Variants in MKNK1 observed in about 807,000 individuals in gnomAD.
The protein encoded by MKNK1 is MAP kinase-interacting serine/threonine-protein kinase 1.
Under a neutral mutation model 49.3 loss-of-function variants are expected in MKNK1, and 30 were observed. That is an observed-to-expected ratio of 0.61 (90% CI 0.46 to 0.83). The LOEUF is 0.83. MKNK1 is among the 40% of genes least tolerant of loss of function. MKNK1 has a pLI of 0.00. For synonymous variants in MKNK1, 176 were observed against 201.7 expected (o/e 0.87, Z 1.08); for missense variants, 423 against 524.7 (o/e 0.81, Z 1.89).
chr1:46,599,176 C>T lies in MKNK1; in HGVS notation c.-170-4896G>A, dbSNP rs551441695. On this transcript the variant is annotated intron_variant, in intron 1 of 12. Coordinates refer to ENST00000371945, the MANE Select transcript of MKNK1 (RefSeq NM_001135553.4). ...GCTGCAGGAGGGAATAATCTGACAG[C>T]AAATACAAAGGAAAGAAACAGACTG... 7.2e-5 allele frequency among the ~76,000 whole-genome samples: 11 copies of T among 152,284 alleles called. 1 individual carries two copies. The South Asian group carries it at 2.3e-3, about 32-fold the overall frequency.
chr1:46,562,512 C>T lies in MKNK1; in HGVS notation c.804+137G>A, dbSNP rs1421243099. ...TATCTCTATTTTACCTTGTGGCCAC[C>T]GTGACAGGAGCGGGAGAGGGCACTA... On this transcript the variant is annotated intron_variant, in intron 10 of 12. Transcript: ENST00000371945. The T allele has an allele frequency of 2.6e-5, 26 of 1,006,040 alleles. No individual in the cohort carries two copies. The Admixed American group carries it at 2.6e-4, about 10-fold the overall frequency. 62.3% of individuals were successfully genotyped at this position (1,006,040 alleles called of 1,614,324 possible).
chr1:46,580,416 G>A (rs1420780145), intron 4 of MKNK1, 114 bp downstream of exon 4: 4 of 768,948 alleles, frequency 5.2e-6, no homozygotes, highest in Non-Finnish European at 9.0e-6. Flanking sequence ...TTTGAATCCA[G>A]TGAATACAGC....
chr1:46,562,554 T>C, intron 10 of MKNK1, 95 bp downstream of exon 10: 2 of 1,378,618 alleles, frequency 1.5e-6, no homozygotes, highest in Non-Finnish European at 1.9e-6. Flanking sequence ...CCCATCCCGA[T>C]CAGGAACGCT....
intron 3 of MKNK1, among the ~76,000 whole-genome samples, chr1:46,581,446 G>A (rs1343886814): frequency 6.8e-6 from 1 of 147,358 alleles, no homozygotes; most frequent in Non-Finnish European, 1.5e-5. Flanking sequence ...AGAGGCGGAG[G>A]TTGTAGTGAG....
intron 1 of MKNK1, among the ~76,000 whole-genome samples, chr1:46,600,406 A>C (rs1364641190): frequency 6.6e-6 from 1 of 152,248 alleles, no homozygotes; most frequent in Non-Finnish European, 1.5e-5. Flanking sequence ...TCTTTACAGA[A>C]AGATCCCAGA....
intron 1 of MKNK1, among the ~76,000 whole-genome samples, chr1:46,599,885 A>G (rs1674519973): frequency 6.6e-6 from 1 of 152,196 alleles, no homozygotes; most frequent in Admixed American, 6.5e-5. Flanking sequence ...AGCAAAGGAG[A>G]CACTTTATAA....
At position 46,565,149 on chromosome 1, in the gene MKNK1, A is replaced by G. The variant is rs374962951; in HGVS notation, c.514-13T>C. Reference sequence around the variant, plus strand: ...TCACTGGAGACACCTGAAAAGGAAAACAGAAGACAGGGTCACAGATATAAG... The same window carrying G: ...TCACTGGAGACACCTGAAAAGGAAAGCAGAAGACAGGGTCACAGATATAAG... On this transcript the variant is annotated splice_polypyrimidine_tract_variant and intron_variant, in intron 8 of 12. Transcript: ENST00000371945. 116 of 1,612,190 alleles carry G rather than the reference A, an allele frequency of 7.2e-5. No individual in the cohort carries two copies. The highest frequency in any genetic ancestry group is 8.3e-5 in the Non-Finnish European group (98 of 1,178,318).
At chr1:46,601,262 G>A (rs1461295115) in intron 1 of MKNK1, among the ~76,000 whole-genome samples, 1 of 152,212 alleles carries the variant, frequency 6.6e-6, no homozygotes, top group Non-Finnish European at 1.5e-5. Flanking sequence ...TAAAATGAAA[G>A]TGGCGGAACC....
chr1:46,575,096 C>A, intron 5 of MKNK1, 76 bp from the exon 6 acceptor site: 4 of 973,144 alleles, frequency 4.1e-6, no homozygotes, highest in Admixed American at 5.3e-5. Context: ...TACAAATATA[C>A]AATGAAAAAA....
At chr1:46,599,125 C>G (rs1674425624) in intron 1 of MKNK1, among the ~76,000 whole-genome samples, 1 of 152,152 alleles carries the variant, frequency 6.6e-6, no homozygotes, top group Admixed American at 6.5e-5. Flanking sequence ...TGGAAAGCAA[C>G]CCAACGACTC....
rs757413400 is a variant in MKNK1 at position 46,589,336 on chromosome 1, A to T, written c.-3+4777T>A. On this transcript the variant is annotated intron_variant, in intron 2 of 12. Transcript: ENST00000371945. This position sits in a 1 kb window ranked among gnomAD's most constrained non-coding sequence, Gnocchi z 4.3. ...GGGACAGGGCTGAGGCCTGGAAGAGAGTGTCCCAGACCAAGGAAGGGCACA... is the reference window on the plus strand; with the variant it reads ...GGGACAGGGCTGAGGCCTGGAAGAGTGTGTCCCAGACCAAGGAAGGGCACA... 1.3e-5 allele frequency among the ~76,000 whole-genome samples: 2 copies of T among 152,052 alleles called. No individual in the cohort carries two copies. The highest frequency in any genetic ancestry group is 2.9e-5 in the Non-Finnish European group (2 of 68,008).
intron 10 of MKNK1, 61 bp downstream of exon 10, chr1:46,562,588 A>G: frequency 3.3e-6 from 5 of 1,496,018 alleles, no homozygotes; most frequent in Non-Finnish European, 4.5e-6. Flanking sequence ...CCTGCTTGGC[A>G]TCCCCCAACC....
chr1:46,565,952 C>A lies in MKNK1; in HGVS notation c.514-816G>T, dbSNP rs79037841. On this transcript the variant is annotated intron_variant, in intron 8 of 12. Transcript: ENST00000371945. ...TCTATTTTTTCTTCTTTTCTTTTTC[C>A]TTTAGCCTCTTATTAGTGGTAAAAT... Among the ~76,000 whole-genome samples the A allele has an allele frequency of 5.3e-3, 800 of 152,030 alleles. 9 individuals are homozygous for A. Among genetic ancestry groups the A allele is most frequent in the South Asian group, 0.032 (154 of 4,816 alleles).
intron 3 of MKNK1, among the ~76,000 whole-genome samples, chr1:46,581,131 A>G (rs538686387): frequency 6.6e-6 from 1 of 152,056 alleles, no homozygotes; most frequent in Non-Finnish European, 1.5e-5. Context: ...TACACAGGTG[A>G]CCCCAGAATA....
intron 2 of MKNK1, chr1:46,585,496 C>T (rs1402274109): frequency 4.3e-6 from 1 of 231,806 alleles, no homozygotes. Context: ...TTGCGCTGAC[C>T]TTGAATGCAG....
At chr1:46,577,445 C>T (rs1671137818) in intron 4 of MKNK1, among the ~76,000 whole-genome samples, 1 of 152,020 alleles carries the variant, frequency 6.6e-6, no homozygotes, top group African/African-American at 2.4e-5. Context: ...TGTGCCATTG[C>T]ACTCCAGCCT....
At chr1:46,560,423 CCAAG>C in intron 11 of MKNK1, 146 bp from the exon 12 acceptor site, 1 of 823,806 alleles carries the variant, frequency 1.2e-6, no homozygotes, top group South Asian at 1.5e-5. Flanking sequence ...GTCAGGCCTT[CCAAG>C]CAGAGAGCAA....
At chr1:46,568,134 A>G in intron 8 of MKNK1, 1 of 237,990 alleles carries the variant, frequency 4.2e-6, no homozygotes, top group Non-Finnish European at 8.2e-6. Flanking sequence ...AAAAAAAAAA[A>G]AAGTATTTAC....
intron 1 of MKNK1, among the ~76,000 whole-genome samples, chr1:46,597,228 G>A (rs6429606): frequency 0.29 from 42,936 of 150,164 alleles, 6,213 homozygotes; most frequent in Admixed American, 0.35. Flanking sequence ...AATTGTTCAT[G>A]AATTTCTTGC....
Sources: allele counts gnomAD v4.1 joint callset (sites outside exome capture counted in the v4.1 genomes callset), GRCh38; gene constraint gnomAD v4.1.1; non-coding constraint Gnocchi (gnomAD v3.1); transcripts MANE v1.5; gene names NCBI Gene and HGNC (gene_info 2026-07-23, HGNC 2026-07-21).